Variants in BTRC observed in about 807,000 individuals in gnomAD.
The protein encoded by BTRC is F-box/WD repeat-containing protein 1A.
Under a neutral mutation model 85.5 loss-of-function variants are expected in BTRC, and 42 were observed. That is an observed-to-expected ratio of 0.49 (90% CI 0.38 to 0.64). The LOEUF is 0.64. BTRC is among the 30% of genes least tolerant of loss of function. The probability of loss-of-function intolerance (pLI) is 0.00; values close to 1 mark genes in which losing one functional copy is unlikely to be tolerated. For synonymous variants in BTRC, 255 were observed against 263.3 expected (o/e 0.97, Z 0.30); for missense variants, 594 against 743.5 (o/e 0.80, Z 2.34).
intron 1 of BTRC, among the ~76,000 whole-genome samples, chr10:101,368,030 T>C (rs912263297): frequency 3.3e-5 from 5 of 152,240 alleles, no homozygotes; most frequent in Non-Finnish European, 2.9e-5. Context: ...ATAGCTTGTT[T>C]GGCCCTGCCA....
At chr10:101,412,729 A>G (rs1274705400) in intron 1 of BTRC, among the ~76,000 whole-genome samples, 1 of 152,232 alleles carries the variant, frequency 6.6e-6, no homozygotes, top group Non-Finnish European at 1.5e-5. Context: ...TATGTAAAGT[A>G]CAAACTTCAT....
At chr10:101,375,828 T>A (rs551926529) in intron 1 of BTRC, among the ~76,000 whole-genome samples, 1 of 152,332 alleles carries the variant, frequency 6.6e-6, no homozygotes, top group East Asian at 1.9e-4. Context: ...GCCTAAAAAA[T>A]TGGCATGTTC....
In BTRC at chr10:101,524,740, A is replaced by G. The variant is rs185228166; in HGVS notation, c.557-1273A>G. ...TGTACCATTACTGTATTTAACATGA[A>G]GAACTAATTATTATATCTTTAATTG... On this transcript the variant is annotated intron_variant, in intron 5 of 14. Coordinates refer to ENST00000370187, the MANE Select transcript of BTRC (RefSeq NM_033637.4). Among the ~76,000 whole-genome samples the G allele has an allele frequency of 2.0e-5, 3 of 152,332 alleles. No individual in the cohort carries two copies. In the East Asian group the frequency reaches 5.8e-4, roughly 29 times the overall value.
intron 1 of BTRC, among the ~76,000 whole-genome samples, chr10:101,427,113 CTTTTTTTTTTT>C (rs138285266): frequency 2.7e-5 from 3 of 109,364 alleles, no homozygotes; most frequent in African/African-American, 7.0e-5. Context: ...TTTTTTCTTT[CTTTTTTTTTTT>C]TTTTTTTTTT....
chr10:101,414,414 TAAA>T (rs896527076), intron 1 of BTRC, among the ~76,000 whole-genome samples: 6 of 152,164 alleles, frequency 3.9e-5, no homozygotes, highest in Non-Finnish European at 8.8e-5. Flanking sequence ...CTGCTAGTCA[TAAA>T]AAAGTGTAGT....
chr10:101,430,865 C>G (rs1383779028), intron 2 of BTRC, among the ~76,000 whole-genome samples: 2 of 152,010 alleles, frequency 1.3e-5, no homozygotes, highest in Non-Finnish European at 2.9e-5. Flanking sequence ...AATGATTACT[C>G]AAAGTATAAA....
chr10:101,442,923 G>A (rs1317542383), intron 2 of BTRC, among the ~76,000 whole-genome samples: 9 of 126,482 alleles, frequency 7.1e-5, no homozygotes, highest in South Asian at 2.4e-4. Context: ...ACGGAGTCTC[G>A]CTCTGTCACC....
chr10:101,462,225 A>T lies in BTRC; in HGVS notation c.234+167A>T, dbSNP rs530309412. ...TTCAATCAGGTGACATGGTTTTCCC[A>T]GTTATTTAAAAAACATTCTAGGTAT... On this transcript the variant is annotated intron_variant, in intron 3 of 14. Transcript: ENST00000370187. 2.0e-5 allele frequency among the ~76,000 whole-genome samples: 3 copies of T among 152,346 alleles called. No homozygotes were observed. The East Asian group carries it at 5.8e-4, about 29-fold the overall frequency.
chr10:101,354,260 G>A, intron 1 of BTRC, 32 bp downstream of exon 1: 1 of 1,547,728 alleles, frequency 6.5e-7, no homozygotes, highest in Non-Finnish European at 8.7e-7. Flanking sequence ...GGGAACGGTG[G>A]AGGCGCTGGC....
In BTRC at chr10:101,354,216, A is replaced by T. The variant is rs1398490997; in HGVS notation, c.36A>T (p.Ala12=). The change falls in exon 1 of 15, where the codon GCA becomes GCT. Residue 12 remains alanine (A), a synonymous_variant. Transcript: ENST00000370187. ...DPAEAVLQEK[A]LKFMCSMPRS... ...CCGAGGCGGTGCTGCAAGAGAAGGC[A>T]CTCAAGTTTATGGTGAGGAGACGGT... is the stretch of plus-strand genomic sequence containing the variant. The T allele has an allele frequency of 6.5e-7, 1 of 1,549,116 alleles. No homozygotes were observed. The highest frequency in any genetic ancestry group is 8.7e-7 in the Non-Finnish European group (1 of 1,146,624).
intron 4 of BTRC, among the ~76,000 whole-genome samples, chr10:101,488,616 A>G (rs1160422587): frequency 6.6e-6 from 1 of 152,196 alleles, no homozygotes; most frequent in African/African-American, 2.4e-5. Flanking sequence ...GGGAAAGTAT[A>G]TGAAGCCATC....
chr10:101,417,383 A>C (rs1943974998), intron 1 of BTRC, among the ~76,000 whole-genome samples: 2 of 152,198 alleles, frequency 1.3e-5, no homozygotes. Context: ...ACATTTTTCA[A>C]ATTGGGTTTT....
chr10:101,506,906 A>G (rs1946556926), intron 4 of BTRC, among the ~76,000 whole-genome samples: 1 of 152,128 alleles, frequency 6.6e-6, no homozygotes, highest in African/African-American at 2.4e-5. Flanking sequence ...TCAGGCATGG[A>G]CTCAGGGTCT....
At chr10:101,431,543 C>T (rs7096737) in intron 2 of BTRC, among the ~76,000 whole-genome samples, 54,878 of 151,948 alleles carry the variant, frequency 0.36, 11,006 homozygotes, top group Middle Eastern at 0.48. Flanking sequence ...GTCTTATCTG[C>T]GTACCTCAGG....
chr10:101,536,490 C>A, intron 11 of BTRC, 53 bp from the exon 12 acceptor site: 1 of 1,370,634 alleles, frequency 7.3e-7, no homozygotes, highest in South Asian at 1.2e-5. Context: ...TATAACATTC[C>A]AGGCTTAGAA....
chr10:101,408,620 A>G (rs946007747), intron 1 of BTRC, among the ~76,000 whole-genome samples: 1 of 152,200 alleles, frequency 6.6e-6, no homozygotes, highest in East Asian at 1.9e-4. Context: ...TTGCCTTTAA[A>G]AAAATTTTCC....
intron 2 of BTRC, among the ~76,000 whole-genome samples, chr10:101,452,741 C>A (rs1325949632): frequency 2.0e-5 from 3 of 152,100 alleles, no homozygotes; most frequent in African/African-American, 4.8e-5. Context: ...TCCTTGAAAG[C>A]CTTAACTGGT....
intron 2 of BTRC, among the ~76,000 whole-genome samples, chr10:101,445,887 A>G (rs1944810429): frequency 6.6e-6 from 1 of 152,148 alleles, no homozygotes; most frequent in Non-Finnish European, 1.5e-5. Context: ...TTAAAGTCAA[A>G]TGTTTAATTA....
chr10:101,426,447 G>A (rs894313148), intron 1 of BTRC, among the ~76,000 whole-genome samples: 3 of 152,114 alleles, frequency 2.0e-5, no homozygotes, highest in African/African-American at 4.8e-5. Context: ...AATCACACCG[G>A]TATATCTAGT....
Sources: gnomAD v4.1 joint callset for allele counts (sites outside exome capture counted in the v4.1 genomes callset) on GRCh38, gnomAD v4.1.1 for gene constraint, MANE v1.5 for transcripts, NCBI Gene and HGNC (gene_info 2026-07-23, HGNC 2026-07-21) for gene names.